RP1L1: variants seen among roughly 807,000 people sequenced by gnomAD.
RP1L1 encodes the protein retinitis pigmentosa 1-like 1 protein.
In RP1L1, 27 loss-of-function variants were observed where a neutral mutation model predicts 15.7. The observed-to-expected ratio is 1.72, with a 90% CI of 1.27 to 2.38. RP1L1 has a LOEUF of 2.38. Among genes scored for constraint, RP1L1 ranks in the 30% most tolerant of loss-of-function variants. The pLI, the probability that RP1L1 is intolerant of heterozygous loss-of-function variation, is 0.00. For missense variants in RP1L1, 4,798 were observed against 3,075.9 expected, an observed-to-expected ratio of 1.56 and a Z score of -13.24; for synonymous variants, 1,813 against 1,276.7, an observed-to-expected ratio of 1.42 and a Z score of -8.96.
At chr8:10,635,797 C>G (rs188683306) in intron 1 of RP1L1, among the ~76,000 whole-genome samples, 1 of 152,172 alleles carries the variant, frequency 6.6e-6, no homozygotes, top group African/African-American at 2.4e-5. Flanking sequence ...GGAACTAATC[C>G]AAGATAAATA....
chr8:10,637,257 G>T (rs892327639), intron 1 of RP1L1, among the ~76,000 whole-genome samples: 3 of 152,200 alleles, frequency 2.0e-5, no homozygotes, highest in African/African-American at 7.2e-5. Context: ...GCTTGGCCGC[G>T]GAATGCGCAG....
chr8:10,632,045 G>A (rs1585990363), intron 1 of RP1L1, among the ~76,000 whole-genome samples: 1 of 152,172 alleles, frequency 6.6e-6, no homozygotes, highest in South Asian at 2.1e-4. Flanking sequence ...GTGGGGGAGG[G>A]AGCCTTCAGG....
At chr8:10,617,543 T>C (rs1797988281) in intron 2 of RP1L1, among the ~76,000 whole-genome samples, 1 of 138,130 alleles carries the variant, frequency 7.2e-6, no homozygotes, top group Admixed American at 8.0e-5. Context: ...TCTGTTTCTT[T>C]TTCTTTTTTT....
At position 10,610,935 on chromosome 8, in the gene RP1L1, G is replaced by A. The variant is rs1211499060; in HGVS notation, c.3163C>T (p.Pro1055Ser). 3.1e-6 allele frequency: 5 copies of A among 1,611,476 alleles called. No individual in the cohort carries two copies. The Middle Eastern group carries it at 5.0e-4, about 160-fold the overall frequency. ...GAAPEGVSEA[P>S]AEAGADREAP... is the part of the protein sequence containing the mutation. ...TCTCTGTCTGCTCCGGCCTCTGCAG[G>A]GGCCTCGGAAACTCCCTCTGGAGCT... The change falls in exon 4 of 4, where the codon CCT becomes TCT. Residue 1055 changes from proline to serine, a missense_variant. Coordinates refer to ENST00000382483, the MANE Select transcript of RP1L1 (RefSeq NM_178857.6).
At position 10,611,513 on chromosome 8, in the gene RP1L1, C is replaced by G. The variant is rs1214366662; in HGVS notation, c.2585G>C (p.Cys862Ser). 2 of 1,578,620 alleles carry G rather than the reference C, an allele frequency of 1.3e-6. No homozygotes were observed. Among genetic ancestry groups the G allele is most frequent in the Admixed American group, 3.7e-5 (2 of 54,168 alleles). ...ACAGCTGGAAGAGCGCCTCTGGGGG[C>G]AGGGCCGCCCCCTGGGCGGGGTGGG... is the stretch of plus-strand genomic sequence containing the variant. ...YCPTPPRGRP[C>S]PQRRSSSCGS... Residue 862 changes from cysteine to serine, a missense_variant, in exon 4 of 4, where the codon TGC (cysteine) becomes TCC (serine). Physicochemically the swap from Cys to Ser is moderately radical, Grantham distance 112 (BLOSUM62 -1). Transcript: ENST00000382483.
chr8:10,620,341 C>T (rs909215408), intron 2 of RP1L1, among the ~76,000 whole-genome samples: 2 of 152,092 alleles, frequency 1.3e-5, no homozygotes, highest in East Asian at 1.9e-4. Context: ...TGCGGTGGCT[C>T]ACGCCTGTAG....
At position 10,609,890 on chromosome 8, in the gene RP1L1, CCTT is replaced by C; in HGVS notation, c.4205_4207del (p.Glu1402del). 1 of 1,614,078 alleles carries C rather than the reference CCTT, an allele frequency of 6.2e-7. No homozygotes were observed. The highest frequency in any genetic ancestry group is 1.3e-5 in the African/African-American group (1 of 74,936). ...TGACAATTCCTGCCCGTGGACGCTT[CCTT>C]CTTCTGGAAGTCCTTCCTCTTTGAG... On this transcript the variant is annotated inframe_deletion, in exon 4 of 4. Transcript: ENST00000382483.
At chr8:10,630,942 G>A (rs570271097) in intron 1 of RP1L1, among the ~76,000 whole-genome samples, 54 of 152,318 alleles carry the variant, frequency 3.5e-4, no homozygotes, top group African/African-American at 1.2e-3. Flanking sequence ...GCTGGGAGGT[G>A]TGCACCAGCA....
chr8:10,637,573 C>T (rs1340542458), intron 1 of RP1L1, among the ~76,000 whole-genome samples: 2 of 151,974 alleles, frequency 1.3e-5, no homozygotes, highest in Non-Finnish European at 2.9e-5. Context: ...GAGTGAGACC[C>T]CATCTCCAAA....
chr8:10,651,375 C>G (rs1798557851), intron 1 of RP1L1, among the ~76,000 whole-genome samples: 1 of 152,180 alleles, frequency 6.6e-6, no homozygotes. Flanking sequence ...GGGCCTTGGT[C>G]AAGGACCAAG....
chr8:10,645,886 G>A (rs1194671447), intron 1 of RP1L1, among the ~76,000 whole-genome samples: 2 of 152,202 alleles, frequency 1.3e-5, no homozygotes, highest in East Asian at 1.9e-4. Context: ...CTGGCGGCTG[G>A]GAGCACTTGC....
chr8:10,622,269 G>A (rs1021626292), intron 2 of RP1L1, among the ~76,000 whole-genome samples: 2 of 148,686 alleles, frequency 1.3e-5, no homozygotes, highest in African/African-American at 5.0e-5. Context: ...GCAGTGAGCC[G>A]AGATCATGCC....
chr8:10,608,100 C>A lies in RP1L1; in HGVS notation c.5998G>T (p.Val2000Leu), dbSNP rs549791621. The A allele has an allele frequency of 6.2e-7, 1 of 1,612,068 alleles. No homozygotes were observed. Among genetic ancestry groups the A allele is most frequent in the Non-Finnish European group, 8.5e-7 (1 of 1,179,378 alleles). Reference sequence around the variant, plus strand: ...TCCCCTTCAGCCTCTGGGGCCTCTACATCTTCTGACTCTGGCTGGGCCTCC... The same window carrying A: ...TCCCCTTCAGCCTCTGGGGCCTCTAAATCTTCTGACTCTGGCTGGGCCTCC... ...EGEAQPESED[V>L]EAPEAEGEMQ... The change falls in exon 4 of 4, where the codon GTA (valine) becomes TTA (leucine). Residue 2000 changes from valine (V) to leucine (L), a missense_variant. Coordinates refer to ENST00000382483, the MANE Select transcript of RP1L1 (RefSeq NM_178857.6).
chr8:10,609,229 G>C lies in RP1L1; in HGVS notation c.4869C>G (p.Thr1623=), dbSNP rs763155609. ...TGAAGGAGAGGGGCCCCAGGCCCAG[G>C]GTCCGCTCAGAGAAGGCCGAGAGGT... ...LRNLSAFSER[T]LGLGPLSFTL... Residue 1623 remains threonine, a synonymous_variant, in exon 4 of 4, where the codon ACC becomes ACG. Transcript: ENST00000382483. 6.2e-7 allele frequency: 1 copy of C among 1,609,386 alleles called. No homozygotes were observed. The highest frequency in any genetic ancestry group is 8.5e-7 in the Non-Finnish European group (1 of 1,179,852).
At chr8:10,645,202 C>T (rs1798459088) in intron 1 of RP1L1, among the ~76,000 whole-genome samples, 1 of 152,164 alleles carries the variant, frequency 6.6e-6, no homozygotes, top group South Asian at 2.1e-4. Flanking sequence ...TGGTGCACAC[C>T]TGTAGTCCCA....
chr8:10,622,536 T>G, intron 2 of RP1L1, 57 bp downstream of exon 2: 1 of 1,611,562 alleles, frequency 6.2e-7, no homozygotes, highest in Non-Finnish European at 8.5e-7. Context: ...CATGTGAGTA[T>G]TTTGACCTCA....
chr8:10,609,284 T>A lies in RP1L1; in HGVS notation c.4814A>T (p.Gln1605Leu). ...LTGELLLQTQ[Q>L]RRHRLRGLRN... ...CAGGCCCCGGAGACGGTGTCTGCGC[T>A]GCTGGGTCTGCAGGAGCAGCTCCCC... The change falls in exon 4 of 4, where the codon CAG becomes CTG. Residue 1605 changes from glutamine (Q) to leucine (L), a missense_variant. Coordinates refer to ENST00000382483, the MANE Select transcript of RP1L1 (RefSeq NM_178857.6). 1 of 1,610,496 alleles carries A rather than the reference T, an allele frequency of 6.2e-7. No homozygotes were observed. The highest frequency in any genetic ancestry group is 8.5e-7 in the Non-Finnish European group (1 of 1,179,676).
intron 1 of RP1L1, among the ~76,000 whole-genome samples, chr8:10,645,723 C>G (rs928696239): frequency 4.6e-5 from 7 of 152,274 alleles, no homozygotes; most frequent in Admixed American, 3.3e-4. Flanking sequence ...GGTCCTCAAC[C>G]AAGCAAACGG....
At chr8:10,639,340 C>G (rs1363652207) in intron 1 of RP1L1, among the ~76,000 whole-genome samples, 1 of 152,034 alleles carries the variant, frequency 6.6e-6, no homozygotes, top group Non-Finnish European at 1.5e-5. Context: ...CGTGTGTTAA[C>G]CTGTCCTGCC....
Sources: allele counts gnomAD v4.1 joint callset (sites outside exome capture counted in the v4.1 genomes callset), GRCh38; gene constraint gnomAD v4.1.1; transcripts MANE v1.5; gene names NCBI Gene and HGNC (gene_info 2026-07-23, HGNC 2026-07-21).